The following BICC1 variants were observed in gnomAD, a reference collection of about 807,000 sequenced individuals.
BICC1 encodes protein bicaudal C homolog 1.
BICC1 carries 43 observed loss-of-function variants against 111.0 expected under a neutral mutation model. The ratio of observed to expected loss-of-function variants is 0.39; its 90% confidence interval spans 0.30 to 0.50. The LOEUF (loss-of-function observed/expected upper bound fraction) is 0.50. BICC1 is among the 20% of genes least tolerant of loss of function. The pLI is 0.88. For missense variants in BICC1, 1,091 were observed against 1,203.2 expected (o/e 0.91, Z 1.38); for synonymous variants, 467 against 434.4 (o/e 1.07, Z -0.93).
At chr10:58,609,757 T>C (rs1313562160) in intron 1 of BICC1, among the ~76,000 whole-genome samples, 1 of 152,242 alleles carries the variant, frequency 6.6e-6, no homozygotes, top group African/African-American at 2.4e-5. Flanking sequence ...GGCGTAGCTC[T>C]ATAGGAAGAT....
intron 2 of BICC1, among the ~76,000 whole-genome samples, chr10:58,691,825 C>G (rs1314605950): frequency 6.6e-6 from 1 of 152,150 alleles, no homozygotes; most frequent in Non-Finnish European, 1.5e-5. Flanking sequence ...CATTATCATG[C>G]ACATATTTCC....
At chr10:58,608,094 T>C (rs981970697) in intron 1 of BICC1, among the ~76,000 whole-genome samples, 3 of 152,178 alleles carry the variant, frequency 2.0e-5, no homozygotes, top group Non-Finnish European at 4.4e-5. Flanking sequence ...TCACTGGTAT[T>C]ATACTCCTAG....
chr10:58,665,370 G>A (rs557067945), intron 2 of BICC1, among the ~76,000 whole-genome samples: 2 of 152,164 alleles, frequency 1.3e-5, no homozygotes, highest in Admixed American at 1.3e-4. Flanking sequence ...TTATTTTAGT[G>A]GTCTTTTTCT....
At chr10:58,568,071 G>C (rs968069984) in intron 1 of BICC1, among the ~76,000 whole-genome samples, 5 of 152,130 alleles carry the variant, frequency 3.3e-5, no homozygotes, top group African/African-American at 1.2e-4. Context: ...CAACTTTCTG[G>C]CTATCTGAGT....
At chr10:58,690,198 A>AGTC (rs1839870932) in intron 2 of BICC1, among the ~76,000 whole-genome samples, 1 of 152,210 alleles carries the variant, frequency 6.6e-6, no homozygotes, top group African/African-American at 2.4e-5. Context: ...TGGCAGAGGC[A>AGTC]GTCGTGCCCA....
At chr10:58,627,494 A>T (rs543528021) in intron 2 of BICC1, among the ~76,000 whole-genome samples, 5 of 152,366 alleles carry the variant, frequency 3.3e-5, no homozygotes, top group Admixed American at 3.3e-4. Context: ...CTTGAGATAC[A>T]GACTTCCTCA....
At chr10:58,540,546 A>C (rs775805049) in intron 1 of BICC1, among the ~76,000 whole-genome samples, 10 of 152,028 alleles carry the variant, frequency 6.6e-5, no homozygotes, top group African/African-American at 1.2e-4. Flanking sequence ...AGAAATGTAC[A>C]ATCAAGACCA....
intron 2 of BICC1, among the ~76,000 whole-genome samples, chr10:58,670,760 A>T (rs904311398): frequency 2.0e-5 from 3 of 152,204 alleles, no homozygotes; most frequent in African/African-American, 7.2e-5. Flanking sequence ...TGTTTTTGGC[A>T]TCTTTATTCA....
At position 58,576,820 on chromosome 10, in the gene BICC1, A is replaced by G. The variant is rs1416871572; in HGVS notation, c.191-44035A>G. Among the ~76,000 whole-genome samples the G allele has an allele frequency of 1.5e-4, 23 of 152,166 alleles. 1 individual carries two copies. The highest frequency in any genetic ancestry group is 7.3e-5 in the Non-Finnish European group (5 of 68,030). On this transcript the variant is annotated intron_variant, in intron 1 of 20. Coordinates refer to ENST00000373886, the MANE Select transcript of BICC1 (RefSeq NM_001080512.3). ...GTATCACTTCTGGCTCACTTGCTTG[A>G]GGGGGACAAAATAATGAGAGAGAAA...
At chr10:58,634,141 G>C (rs1033697942) in intron 2 of BICC1, among the ~76,000 whole-genome samples, 1 of 151,612 alleles carries the variant, frequency 6.6e-6, no homozygotes, top group African/African-American at 2.4e-5. Flanking sequence ...ACAGGTGCAC[G>C]CCACCACGAC....
chr10:58,639,719 AT>A (rs71033694), intron 2 of BICC1, among the ~76,000 whole-genome samples: 59 of 93,156 alleles, frequency 6.3e-4, no homozygotes, highest in African/African-American at 2.1e-3. Flanking sequence ...GCCCGGCCAA[AT>A]TTTTTTTTTT....
At chr10:58,701,967 G>T in intron 2 of BICC1, 107 bp from the exon 3 acceptor site, 2 of 726,868 alleles carry the variant, frequency 2.8e-6, no homozygotes, top group Non-Finnish European at 2.2e-6. Context: ...CATTTTGTAT[G>T]AACATGAACT....
intron 2 of BICC1, among the ~76,000 whole-genome samples, chr10:58,624,302 T>C (rs1236905984): frequency 6.6e-6 from 1 of 152,218 alleles, no homozygotes; most frequent in Non-Finnish European, 1.5e-5. Flanking sequence ...TTTCCAAATA[T>C]CACATTCTGA....
intron 1 of BICC1, among the ~76,000 whole-genome samples, chr10:58,540,679 T>C (rs1279205098): frequency 6.6e-6 from 1 of 151,868 alleles, no homozygotes; most frequent in East Asian, 1.9e-4. Context: ...TTCTAAACAA[T>C]TAAATAAGAA....
intron 20 of BICC1, among the ~76,000 whole-genome samples, chr10:58,821,436 C>G (rs1844248117): frequency 6.6e-6 from 1 of 152,114 alleles, no homozygotes; most frequent in Non-Finnish European, 1.5e-5. Context: ...ATCAGATCAG[C>G]AGATAAAATT....
At chr10:58,646,915 TTC>T (rs913565800) in intron 2 of BICC1, among the ~76,000 whole-genome samples, 41 of 152,130 alleles carry the variant, frequency 2.7e-4, no homozygotes, top group African/African-American at 9.7e-4. Flanking sequence ...TTTTCCTTCT[TTC>T]TCTCTTTCTT....
intron 2 of BICC1, among the ~76,000 whole-genome samples, 166 bp from the exon 3 acceptor site, chr10:58,701,908 C>G (rs1042880111): frequency 2.6e-5 from 4 of 151,002 alleles, no homozygotes; most frequent in African/African-American, 9.7e-5. Flanking sequence ...AAAAACATCT[C>G]TTTTCCCCCC....
At chr10:58,572,145 T>C (rs2131983887) in intron 1 of BICC1, among the ~76,000 whole-genome samples, 1 of 152,290 alleles carries the variant, frequency 6.6e-6, no homozygotes, top group South Asian at 2.1e-4. Context: ...GAAGTGTCTG[T>C]TCATGTCCTT....
In BICC1 at chr10:58,789,852, T is replaced by A. The variant is rs763742943; in HGVS notation, c.966T>A (p.Asp322Glu). The A allele has an allele frequency of 8.7e-6, 14 of 1,614,130 alleles. No individual in the cohort carries two copies. The South Asian group carries it at 1.5e-4, about 18-fold the overall frequency. The part of the protein sequence containing the change: ...QRTGAQIHFP[D>E]PSNPQKKSTV... ...CAGGTGCTCAGATCCACTTTCCTGA[T>A]CCCAGTAATCCACAAAAGAAATCTA... The change falls in exon 8 of 21, where the codon GAT (aspartate) becomes GAA (glutamate). Residue 322 changes from aspartate (D) to glutamate (E), a missense_variant. By Grantham distance (45) the Asp-to-Glu change is conservative. Transcript: ENST00000373886.
Sources: allele counts gnomAD v4.1 joint callset (sites outside exome capture counted in the v4.1 genomes callset), GRCh38; gene constraint gnomAD v4.1.1; transcripts MANE v1.5; gene names NCBI Gene and HGNC (gene_info 2026-07-23, HGNC 2026-07-21).